The following SULT4A1 variants were observed in gnomAD, a reference collection of about 807,000 sequenced individuals.
SULT4A1 encodes sulfotransferase family 4A member 1.
SULT4A1 carries 11 observed loss-of-function variants against 35.2 expected under a neutral mutation model. The observed-to-expected ratio is 0.31, with a 90% CI of 0.20 to 0.52. The LOEUF (loss-of-function observed/expected upper bound fraction) is 0.52. Among genes scored for constraint, SULT4A1 ranks in the 20% least tolerant of loss-of-function variants. The pLI, the probability that SULT4A1 is intolerant of heterozygous loss-of-function variation, is 0.97. For missense variants in SULT4A1, 271 were observed against 383.7 expected, an observed-to-expected ratio of 0.71 and a Z score of 2.45; for synonymous variants, 152 against 151.8, an observed-to-expected ratio of 1.00 and a Z score of -0.01.
At chr22:43,856,322 G>A (rs368476410) in intron 1 of SULT4A1, among the ~76,000 whole-genome samples, 4 of 152,296 alleles carry the variant, frequency 2.6e-5, no homozygotes, top group South Asian at 4.1e-4. Context: ...CTGCCCTTGG[G>A]GGAGGGGCAG....
At chr22:43,838,406 G>A (rs535891469) in intron 4 of SULT4A1, among the ~76,000 whole-genome samples, 101 of 151,990 alleles carry the variant, frequency 6.6e-4, no homozygotes, top group African/African-American at 2.3e-3. Flanking sequence ...TCCTCCCAGC[G>A]GGCACAAGTG....
intron 1 of SULT4A1, among the ~76,000 whole-genome samples, chr22:43,849,584 G>A (rs982829109): frequency 1.3e-5 from 2 of 152,056 alleles, no homozygotes; most frequent in Admixed American, 6.5e-5. Flanking sequence ...GTCTGGCCAG[G>A]GATGGCCAGA....
At chr22:43,826,180 C>G in intron 6 of SULT4A1, 67 bp from the exon 7 acceptor site, 1 of 1,597,396 alleles carries the variant, frequency 6.3e-7, no homozygotes, top group Non-Finnish European at 8.5e-7. Context: ...CTAAAGGAAG[C>G]CTTGGAAATG....
intron 5 of SULT4A1, among the ~76,000 whole-genome samples, chr22:43,831,957 G>A (rs1408952832): frequency 2.0e-5 from 3 of 152,364 alleles, no homozygotes; most frequent in Admixed American, 6.5e-5. Flanking sequence ...AGGCCTGCAC[G>A]TAGGTGATGC....
chr22:43,852,864 G>C (rs1404502927), intron 1 of SULT4A1, among the ~76,000 whole-genome samples: 1 of 151,428 alleles, frequency 6.6e-6, no homozygotes, highest in Non-Finnish European at 1.5e-5. Flanking sequence ...CTTCCCCCTT[G>C]GGTCTCACCC....
chr22:43,828,452 C>T (rs896534550), intron 6 of SULT4A1, among the ~76,000 whole-genome samples: 3 of 152,214 alleles, frequency 2.0e-5, no homozygotes, highest in Non-Finnish European at 2.9e-5. Context: ...TGTCACTTGC[C>T]GCCAAGAGCA....
At chr22:43,827,450 CTA>C (rs1407496752) in intron 6 of SULT4A1, 26 of 1,226,926 alleles carry the variant, frequency 2.1e-5, no homozygotes, top group Non-Finnish European at 2.6e-5. Flanking sequence ...AGCAACCAAA[CTA>C]TTTTTCCATG....
chr22:43,858,406 A>G (rs1209092813), intron 1 of SULT4A1, among the ~76,000 whole-genome samples: 1 of 152,132 alleles, frequency 6.6e-6, no homozygotes, highest in East Asian at 1.9e-4. Flanking sequence ...GACCCAGGAC[A>G]CTTGCTTTGG....
chr22:43,844,797 G>C (rs759198534), intron 1 of SULT4A1, among the ~76,000 whole-genome samples: 1 of 152,150 alleles, frequency 6.6e-6, no homozygotes, highest in Admixed American at 6.5e-5. Flanking sequence ...TGCACACCCT[G>C]GGATGCACGG....
chr22:43,847,408 C>T (rs1483457414), intron 1 of SULT4A1, among the ~76,000 whole-genome samples: 1 of 152,250 alleles, frequency 6.6e-6, no homozygotes, highest in Non-Finnish European at 1.5e-5. Context: ...GGCCCTCTGC[C>T]AGACGCCAAG....
chr22:43,862,443 C>CCGCGCT lies in SULT4A1; in HGVS notation c.-62_-61insAGCGCG. 2 of 945,284 alleles carry CCGCGCT rather than the reference C, an allele frequency of 2.1e-6. No individual in the cohort carries two copies. Among genetic ancestry groups the CCGCGCT allele is most frequent in the Non-Finnish European group, 2.5e-6 (2 of 800,814 alleles). The allele number at this position is 945,284 out of a possible 1,614,324, so 58.6% of individuals were successfully genotyped here. On this transcript the variant is annotated 5_prime_UTR_variant, in exon 1 of 7. Transcript: ENST00000330884. ...GCTCGCAGCCCGCACGCGCCCGCGC[C>CCGCGCT]CGCGCCCGCGCCCGCGCCCCGCACA...
At chr22:43,829,258 C>T (rs772485512) in intron 5 of SULT4A1, 60 bp from the exon 6 acceptor site, 121 of 1,454,384 alleles carry the variant, frequency 8.3e-5, no homozygotes, top group Non-Finnish European at 8.8e-5. Context: ...TTACTGGACA[C>T]GACCCCAGGC....
At chr22:43,839,775 G>A (rs1445189690) in intron 3 of SULT4A1, among the ~76,000 whole-genome samples, 170 bp downstream of exon 3, 2 of 152,140 alleles carry the variant, frequency 1.3e-5, no homozygotes, top group African/African-American at 4.8e-5. Flanking sequence ...TAAAATGCTA[G>A]AGACGCATGA....
At chr22:43,858,253 A>G (rs2049426044) in intron 1 of SULT4A1, among the ~76,000 whole-genome samples, 1 of 152,098 alleles carries the variant, frequency 6.6e-6, no homozygotes, top group African/African-American at 2.4e-5. Flanking sequence ...CCAGGAGTTC[A>G]AACCAACTAC....
chr22:43,830,472 G>T (rs1215985424), intron 5 of SULT4A1, among the ~76,000 whole-genome samples: 1 of 152,224 alleles, frequency 6.6e-6, no homozygotes, highest in Admixed American at 6.5e-5. Context: ...ACCCAGCAGG[G>T]ATCAGGCAGA....
chr22:43,830,449 T>C (rs1204260396), intron 5 of SULT4A1, among the ~76,000 whole-genome samples: 2 of 152,222 alleles, frequency 1.3e-5, no homozygotes, highest in Admixed American at 6.5e-5. Flanking sequence ...ACAGGACACT[T>C]GCTGGTTATG....
intron 5 of SULT4A1, among the ~76,000 whole-genome samples, chr22:43,833,182 G>C (rs186118310): frequency 6.6e-6 from 1 of 151,950 alleles, no homozygotes; most frequent in East Asian, 1.9e-4. Flanking sequence ...CTAAGACCTT[G>C]TCCCATTAGT....
chr22:43,861,080 T>C (rs1347298557), intron 1 of SULT4A1, among the ~76,000 whole-genome samples: 6 of 151,970 alleles, frequency 3.9e-5, no homozygotes, highest in Non-Finnish European at 8.8e-5. Context: ...GCATTTTAGG[T>C]CCCACCCCAT....
At chr22:43,835,461 C>T (rs987539477) in intron 4 of SULT4A1, among the ~76,000 whole-genome samples, 1 of 152,188 alleles carries the variant, frequency 6.6e-6, no homozygotes, top group Non-Finnish European at 1.5e-5. Flanking sequence ...CTCTGCTGGG[C>T]CCTGCCACCC....
Sources: gnomAD v4.1 joint callset for allele counts (sites outside exome capture counted in the v4.1 genomes callset) on GRCh38, gnomAD v4.1.1 for gene constraint, MANE v1.5 for transcripts, NCBI Gene and HGNC (gene_info 2026-07-23, HGNC 2026-07-21) for gene names.